PROS1: variants seen among roughly 807,000 people sequenced by gnomAD.
The protein encoded by PROS1 is vitamin K-dependent protein S.
PROS1 carries 29 observed loss-of-function variants against 75.9 expected under a neutral mutation model. That is an observed-to-expected ratio of 0.38 (90% CI 0.28 to 0.52). The LOEUF (loss-of-function observed/expected upper bound fraction) is 0.52, where lower values mean the gene tolerates loss of function less well. Among genes scored for constraint, PROS1 ranks in the 20% least tolerant of loss-of-function variants. PROS1 has a pLI of 0.83. For synonymous variants in PROS1, 245 were observed against 280.6 expected, an observed-to-expected ratio of 0.87 and a Z score of 1.27; for missense variants, 680 against 810.3, an observed-to-expected ratio of 0.84 and a Z score of 1.95.
At chr3:93,940,269 G>C (rs1300601838) in intron 1 of PROS1, among the ~76,000 whole-genome samples, 2 of 152,190 alleles carry the variant, frequency 1.3e-5, no homozygotes, top group Non-Finnish European at 2.9e-5. Context: ...CAGCTTAGCG[G>C]CTGAAGACTG....
intron 1 of PROS1, among the ~76,000 whole-genome samples, chr3:93,934,944 A>C (rs1373191328): frequency 6.6e-6 from 1 of 152,152 alleles, no homozygotes; most frequent in Non-Finnish European, 1.5e-5. Flanking sequence ...GGAAAAAAAA[A>C]AAAAGTCACT....
intron 1 of PROS1, among the ~76,000 whole-genome samples, chr3:93,951,119 T>C (rs1202081871): frequency 4.6e-5 from 7 of 152,160 alleles, no homozygotes; most frequent in Non-Finnish European, 8.8e-5. Context: ...CTATGTCTGA[T>C]TGGTGTACCT....
intron 4 of PROS1, 131 bp downstream of exon 4, chr3:93,910,488 C>T (rs1708743667): frequency 5.2e-6 from 4 of 766,576 alleles, no homozygotes; most frequent in South Asian, 1.6e-5. Flanking sequence ...TTTGAAAATA[C>T]TTCCTTGCTG....
chr3:93,957,935 G>C (rs1400081629), intron 1 of PROS1, among the ~76,000 whole-genome samples: 1 of 151,768 alleles, frequency 6.6e-6, no homozygotes, highest in Non-Finnish European at 1.5e-5. Flanking sequence ...AAAAAATACA[G>C]AACTTAGCTG....
intron 12 of PROS1, among the ~76,000 whole-genome samples, chr3:93,880,205 C>T (rs1246236006): frequency 6.6e-6 from 1 of 152,070 alleles, no homozygotes; most frequent in African/African-American, 2.4e-5. Context: ...AATCCTGTAA[C>T]TCCCATCCAG....
At chr3:93,932,845 T>C (rs1709125572) in intron 1 of PROS1, among the ~76,000 whole-genome samples, 1 of 152,140 alleles carries the variant, frequency 6.6e-6, no homozygotes, top group Admixed American at 6.6e-5. Flanking sequence ...GGACCAAAGG[T>C]CTGCAGGTTG....
intron 10 of PROS1, among the ~76,000 whole-genome samples, chr3:93,890,152 C>G (rs1482145790): frequency 1.3e-5 from 2 of 152,122 alleles, no homozygotes; most frequent in Non-Finnish European, 2.9e-5. Context: ...ACGCCCGGGT[C>G]TCCTGCAGTA....
intron 1 of PROS1, among the ~76,000 whole-genome samples, chr3:93,938,611 C>A (rs1254475747): frequency 6.6e-6 from 1 of 152,186 alleles, no homozygotes; most frequent in Admixed American, 6.5e-5. Context: ...ACTCTCTTCT[C>A]CAGCCTCTCT....
intron 12 of PROS1, among the ~76,000 whole-genome samples, chr3:93,883,883 G>C (rs1708309316): frequency 6.6e-6 from 1 of 152,128 alleles, no homozygotes; most frequent in Non-Finnish European, 1.5e-5. Context: ...CCAGGTGGCA[G>C]AGGTTGCAGT....
chr3:93,944,243 C>G (rs1223391804), intron 1 of PROS1, among the ~76,000 whole-genome samples: 1 of 150,780 alleles, frequency 6.6e-6, no homozygotes, highest in South Asian at 2.1e-4. Flanking sequence ...TAAAACTAAC[C>G]CAGTTTTGCT....
At chr3:93,932,887 G>A (rs1238074996) in intron 1 of PROS1, among the ~76,000 whole-genome samples, 1 of 152,230 alleles carries the variant, frequency 6.6e-6, no homozygotes, top group Non-Finnish European at 1.5e-5. Flanking sequence ...TAAGGATGAG[G>A]TGGCAGATGG....
intron 1 of PROS1, among the ~76,000 whole-genome samples, chr3:93,955,850 AT>A (rs1029380091): frequency 2.6e-5 from 4 of 152,204 alleles, no homozygotes; most frequent in African/African-American, 9.6e-5. Context: ...CAAAATATAT[AT>A]TTTAAGTTGG....
intron 3 of PROS1, among the ~76,000 whole-genome samples, chr3:93,918,223 C>CT (rs1708889539): frequency 6.6e-6 from 1 of 152,056 alleles, no homozygotes; most frequent in African/African-American, 2.4e-5. Flanking sequence ...CTGGTGGGGA[C>CT]GTGGAGAAAC....
chr3:93,876,626 A>G (rs571812963), intron 14 of PROS1, among the ~76,000 whole-genome samples: 1 of 147,958 alleles, frequency 6.8e-6, no homozygotes, highest in East Asian at 2.0e-4. Context: ...TGGATAAATG[A>G]TAAGATGAAC....
chr3:93,964,407 G>A (rs932795357), intron 1 of PROS1, among the ~76,000 whole-genome samples: 2 of 152,032 alleles, frequency 1.3e-5, no homozygotes, highest in African/African-American at 2.4e-5. Flanking sequence ...GCTTATAAAC[G>A]GCCACTCTGG....
intron 14 of PROS1, among the ~76,000 whole-genome samples, chr3:93,875,655 T>TATCTATCTATCTATCTATC (rs1559926957): frequency 1.8e-4 from 28 of 151,726 alleles, no homozygotes; most frequent in Non-Finnish European, 3.0e-4. Context: ...TCTATCTATC[T>TATCTATCTATCTATCTATC]ATCTATCTAT....
chr3:93,887,248 C>A (rs1708362952), intron 10 of PROS1, among the ~76,000 whole-genome samples: 1 of 152,126 alleles, frequency 6.6e-6, no homozygotes, highest in South Asian at 2.1e-4. Context: ...TAAGAAAAAT[C>A]AATATGTTCA....
At chr3:93,884,698 G>A in intron 12 of PROS1, 30 bp downstream of exon 12, 1 of 1,587,206 alleles carries the variant, frequency 6.3e-7, no homozygotes, top group Non-Finnish European at 8.6e-7. Flanking sequence ...TCATTAATGA[G>A]AAAATAGAGA....
chr3:93,927,488 A>C, intron 1 of PROS1, 81 bp from the exon 2 acceptor site: 1 of 1,427,490 alleles, frequency 7.0e-7, no homozygotes, highest in Non-Finnish European at 9.6e-7. Context: ...AAGAGTTAAA[A>C]TCATTTTCTG....
Sources: gnomAD v4.1 joint callset for allele counts (sites outside exome capture counted in the v4.1 genomes callset) on GRCh38, gnomAD v4.1.1 for gene constraint, MANE v1.5 for transcripts, NCBI Gene and HGNC (gene_info 2026-07-23, HGNC 2026-07-21) for gene names.